Variants in SETD7 observed in about 807,000 individuals in gnomAD.
The protein encoded by SETD7 is histone-lysine N-methyltransferase SETD7.
Under a neutral mutation model 41.8 loss-of-function variants are expected in SETD7, and 16 were observed. The observed-to-expected ratio is 0.38, with a 90% CI of 0.26 to 0.58. SETD7 has a LOEUF of 0.58. Ranked by LOEUF, SETD7 falls within the 20% of genes least tolerant of loss-of-function variation. SETD7 has a pLI of 0.64. For synonymous variants in SETD7, 163 were observed against 169.7 expected, an observed-to-expected ratio of 0.96 and a Z score of 0.31; for missense variants, 346 against 459.7, an observed-to-expected ratio of 0.75 and a Z score of 2.26.
chr4:139,547,168 G>A, intron 1 of SETD7, 119 bp from the exon 2 acceptor site: 1 of 1,293,164 alleles, frequency 7.7e-7, no homozygotes, highest in Non-Finnish European at 1.1e-6. Flanking sequence ...AGCTGCCAAA[G>A]GGTCCCCTCC....
At chr4:139,524,328 T>C (rs1008465669) in intron 4 of SETD7, among the ~76,000 whole-genome samples, 10 of 152,126 alleles carry the variant, frequency 6.6e-5, no homozygotes, top group African/African-American at 2.4e-4. Flanking sequence ...AACGGACCAT[T>C]TGAGTGTTTC....
At chr4:139,531,083 T>A (rs1727471953) in intron 3 of SETD7, among the ~76,000 whole-genome samples, 1 of 152,186 alleles carries the variant, frequency 6.6e-6, no homozygotes, top group Admixed American at 6.5e-5. Flanking sequence ...TGACACCTAC[T>A]GACACCCATT....
chr4:139,497,586 TTTG>T (rs1229954051), intron 7 of SETD7, among the ~76,000 whole-genome samples: 1 of 150,536 alleles, frequency 6.6e-6, no homozygotes, highest in African/African-American at 2.4e-5. Context: ...TTTTTGTTTT[TTTG>T]TTTTTTTGTT....
intron 2 of SETD7, among the ~76,000 whole-genome samples, chr4:139,536,199 A>G (rs188267745): frequency 1.1e-3 from 175 of 152,264 alleles, no homozygotes; most frequent in Admixed American, 2.0e-3. Flanking sequence ...CTCTGCTCAT[A>G]TCGAAAGTTT....
chr4:139,552,942 G>A (rs1728152478), intron 1 of SETD7, among the ~76,000 whole-genome samples: 1 of 152,184 alleles, frequency 6.6e-6, no homozygotes, highest in Non-Finnish European at 1.5e-5. Context: ...ATAAATTTCT[G>A]TTTCCAGATG....
rs763028113 is a variant in SETD7, at chr4:139,523,581, A to G, written c.563-146T>C. ...CAACTAGAATGAAGTTCTTCAATTT[A>G]AATGGATACATTTTAGATTTACGCT... is the stretch of plus-strand genomic sequence containing the variant. On this transcript the variant is annotated intron_variant, in intron 4 of 7. Transcript: ENST00000274031. 9.4e-4 allele frequency: 516 copies of G among 546,038 alleles called. 2 individuals are homozygous for G. The highest frequency in any genetic ancestry group is 1.4e-3 in the Non-Finnish European group (429 of 304,996). 33.8% of individuals were successfully genotyped at this position (546,038 alleles called of 1,614,324 possible).
At chr4:139,517,834 C>A (rs756208202) in intron 7 of SETD7, 51 bp downstream of exon 7, 2 of 1,562,748 alleles carry the variant, frequency 1.3e-6, no homozygotes, top group Admixed American at 3.7e-5. Context: ...CCTCCTCCGT[C>A]TCAGGGCCCT....
At chr4:139,494,337 C>T (rs189268595), downstream of SETD7, among the ~76,000 whole-genome samples, 10 of 152,322 alleles carry the variant, frequency 6.6e-5, no homozygotes, top group Admixed American at 5.2e-4. Flanking sequence ...ATCCTGGTCA[C>T]ACATGTCCTG....
In SETD7 at chr4:139,507,411, G is replaced by A. The variant is rs1726735989; in HGVS notation, c.*4252C>T. ...AACAACGCCGAGGAAGTTGCTGAGA[G>A]TCAGAGTTATTGTAGGCTTTTGATT... On this transcript the variant is annotated 3_prime_UTR_variant, in exon 8 of 8. Coordinates refer to ENST00000274031, the MANE Select transcript of SETD7 (RefSeq NM_030648.4). 1 of 152,602 alleles carries A rather than the reference G, an allele frequency of 6.6e-6. No homozygotes were observed. The allele number at this position is 152,602 out of a possible 1,614,324, so 9.5% of individuals were successfully genotyped here. A position where few individuals can be genotyped will look rare whatever the true frequency, so the allele number is the denominator to read the frequency against.
At chr4:139,502,881 A>G (rs908269273), downstream of SETD7, among the ~76,000 whole-genome samples, 7 of 152,074 alleles carry the variant, frequency 4.6e-5, no homozygotes, top group Admixed American at 3.9e-4. Flanking sequence ...GCTGAGAATA[A>G]AATTATAAGA....
Position 139,511,565 on chromosome 4 carries a change from C to T in SETD7, c.*98G>A. ...AACGCATGGTGAGAGGATGTGACGT[C>T]ACAGCATGAGCAGTCCCTGGTTGTC... On this transcript the variant is annotated 3_prime_UTR_variant, in exon 8 of 8. Transcript: ENST00000274031. 8.8e-6 allele frequency: 14 copies of T among 1,582,478 alleles called. No individual in the cohort carries two copies. Among genetic ancestry groups the T allele is most frequent in the South Asian group, 1.2e-5 (1 of 85,076 alleles).
Position 139,548,727 on chromosome 4 carries a change from T to G in SETD7, c.41-1678A>C, listed in dbSNP as rs1468809496. Among the ~76,000 whole-genome samples, 4 of 152,232 alleles carry G rather than the reference T, an allele frequency of 2.6e-5. No homozygotes were observed. In the South Asian group the frequency reaches 8.3e-4, roughly 32 times the overall value. On this transcript the variant is annotated intron_variant, in intron 1 of 7. Transcript: ENST00000274031. ...GCAAACAACTACAGTGTTTTATTGC[T>G]ACATCTGACTCTGTATACAATGGGT...
rs146639902 is a variant in SETD7 at position 139,539,110 on chromosome 4, T to C, written c.171-5744A>G. ...AACTGTTCTTAGAGACTTAACAGTT[T>C]TGGCTTTTCTTCATGGTTCTGGGGT... On this transcript the variant is annotated intron_variant, in intron 2 of 7. Coordinates refer to ENST00000274031, the MANE Select transcript of SETD7 (RefSeq NM_030648.4). Among the ~76,000 whole-genome samples the C allele has an allele frequency of 1.6e-4, 25 of 152,330 alleles. 1 individual carries two copies. Among genetic ancestry groups the C allele is most frequent in the Non-Finnish European group, 3.2e-4 (22 of 68,034 alleles).
chr4:139,538,253 G>A (rs1233197919), intron 2 of SETD7, among the ~76,000 whole-genome samples: 1 of 152,106 alleles, frequency 6.6e-6, no homozygotes, highest in Admixed American at 6.6e-5. Flanking sequence ...CACATAAAAA[G>A]CAATTCAAGC....
At chr4:139,500,970 C>T (rs1445789741) in intron 7 of SETD7, among the ~76,000 whole-genome samples, 1 of 152,180 alleles carries the variant, frequency 6.6e-6, no homozygotes, top group Non-Finnish European at 1.5e-5. Context: ...TGCGGCCCCC[C>T]TCAGCCTGAA....
chr4:139,545,354 C>T (rs925186871), intron 2 of SETD7, among the ~76,000 whole-genome samples: 19 of 152,138 alleles, frequency 1.2e-4, no homozygotes, highest in Admixed American at 7.9e-4. Flanking sequence ...CTCAAATTCC[C>T]GGGCTCAAAC....
intron 5 of SETD7, among the ~76,000 whole-genome samples, chr4:139,523,091 C>T (rs555238899): frequency 2.5e-4 from 38 of 152,238 alleles, no homozygotes; most frequent in Admixed American, 5.9e-4. Context: ...TACTCTAGGA[C>T]AGACACACAA....
intron 1 of SETD7, among the ~76,000 whole-genome samples, chr4:139,549,131 G>A (rs914385195): frequency 1.2e-4 from 18 of 151,848 alleles, no homozygotes; most frequent in African/African-American, 4.4e-4. Flanking sequence ...TTTGATTTAG[G>A]TATTAATATC....
intron 4 of SETD7, 29 bp downstream of exon 4, chr4:139,529,002 G>A: frequency 1.2e-6 from 2 of 1,600,536 alleles, no homozygotes; most frequent in Non-Finnish European, 1.7e-6. Context: ...TGGAATTGGA[G>A]CAACCCATCT....
Sources: allele counts gnomAD v4.1 joint callset (sites outside exome capture counted in the v4.1 genomes callset), GRCh38; gene constraint gnomAD v4.1.1; transcripts MANE v1.5; gene names NCBI Gene and HGNC (gene_info 2026-07-23, HGNC 2026-07-21).